PPM1A: variants seen among roughly 807,000 people sequenced by gnomAD.
PPM1A encodes protein phosphatase 1A.
In PPM1A, 7 loss-of-function variants were observed where a neutral mutation model predicts 35.0. The ratio of observed to expected loss-of-function variants is 0.20; its 90% confidence interval spans 0.11 to 0.38. The LOEUF is 0.38. Ranked by LOEUF, PPM1A falls within the 10% of genes least tolerant of loss-of-function variation. The probability of loss-of-function intolerance (pLI) is 1.00; values close to 1 mark genes in which losing one functional copy is unlikely to be tolerated. For missense variants in PPM1A, 239 were observed against 467.8 expected (o/e 0.51, Z 4.51); for synonymous variants, 153 against 167.3 (o/e 0.91, Z 0.66).
upstream of PPM1A, among the ~76,000 whole-genome samples, chr14:60,247,856 A>G (rs1437879716): frequency 6.6e-6 from 1 of 152,192 alleles, no homozygotes; most frequent in Non-Finnish European, 1.5e-5. Flanking sequence ...CTCCTCAAGT[A>G]AAATAGAGAG....
In PPM1A at chr14:60,283,643, A is replaced by G. The variant is rs1006031414; in HGVS notation, c.834+106A>G. 8 of 1,171,302 alleles carry G rather than the reference A, an allele frequency of 6.8e-6. No homozygotes were observed. In the African/African-American group the frequency reaches 1.2e-4, roughly 18 times the overall value. The allele number at this position is 1,171,302 out of a possible 1,614,324, so 72.6% of individuals were successfully genotyped here. A position where few individuals can be genotyped will look rare whatever the true frequency, so the allele number is the denominator to read the frequency against. ...TGTAATTCTGAAACCAGTTTTTGGC[A>G]CAACTGTAGGATACTGTTCACCAAT... is the stretch of plus-strand genomic sequence containing the variant. On this transcript the variant is annotated intron_variant, in intron 2 of 5. Coordinates refer to ENST00000395076, the MANE Select transcript of PPM1A (RefSeq NM_021003.5). The surrounding 1 kb of genome is among the most constrained non-coding windows in gnomAD (Gnocchi z 6.3).
Position 60,294,971 on chromosome 14 carries a change from T to C in PPM1A, c.*2489T>C, listed in dbSNP as rs756033174. 1 of 151,738 alleles carries C rather than the reference T, an allele frequency of 6.6e-6. No homozygotes were observed. Among genetic ancestry groups the C allele is most frequent in the African/African-American group, 2.4e-5 (1 of 41,384 alleles). 9.4% of individuals were successfully genotyped at this position (151,738 alleles called of 1,614,324 possible). On this transcript the variant is annotated 3_prime_UTR_variant, in exon 6 of 6. Coordinates refer to ENST00000395076, the MANE Select transcript of PPM1A (RefSeq NM_021003.5). ...AATAGTGGGGGGAAACCAACCATAC[T>C]TTTTAAAGGCACTTTTGCACCTCTA...
intron 1 of PPM1A, chr14:60,256,939 CAG>C (rs778602277): frequency 6.6e-6 from 1 of 152,048 alleles, no homozygotes; most frequent in African/African-American, 2.4e-5. Context: ...CCATTGTATC[CAG>C]AGAGTGAATC....
chr14:60,283,632 C>T lies in PPM1A; in HGVS notation c.834+95C>T, dbSNP rs551167842. 154 of 1,273,090 alleles carry T rather than the reference C, an allele frequency of 1.2e-4. 2 individuals are homozygous for T. In the South Asian group the frequency reaches 2.0e-3, roughly 17 times the overall value. The allele number at this position is 1,273,090 out of a possible 1,614,324, so 78.9% of individuals were successfully genotyped here. ...ATCTTAGAATCTGTAATTCTGAAAC[C>T]AGTTTTTGGCACAACTGTAGGATAC... On this transcript the variant is annotated intron_variant, in intron 2 of 5. Transcript: ENST00000395076. The surrounding 1 kb of genome is among the most constrained non-coding windows in gnomAD (Gnocchi z 6.3).
rs1045706580 is a variant in PPM1A at position 60,298,819 on chromosome 14, C to G, written c.*6337C>G. On this transcript the variant is annotated 3_prime_UTR_variant, in exon 6 of 6. Coordinates refer to ENST00000395076, the MANE Select transcript of PPM1A (RefSeq NM_021003.5). Reference sequence around the variant, plus strand: ...CTTAAATACAATGTGTAACAAAATTCTCCGTAGCAACTCACCCACTTTGCA... The same window carrying G: ...CTTAAATACAATGTGTAACAAAATTGTCCGTAGCAACTCACCCACTTTGCA... The G allele has an allele frequency of 7.9e-5, 12 of 151,872 alleles. No individual in the cohort carries two copies. The highest frequency in any genetic ancestry group is 1.5e-4 in the Non-Finnish European group (10 of 67,738). The allele number at this position is 151,872 out of a possible 1,614,324, so 9.4% of individuals were successfully genotyped here.
chr14:60,276,398 T>C (rs995143801), intron 1 of PPM1A, among the ~76,000 whole-genome samples: 1 of 152,168 alleles, frequency 6.6e-6, no homozygotes, highest in Non-Finnish European at 1.5e-5. Context: ...AAGTCTACTC[T>C]AGATTTTTCT....
intron 1 of PPM1A, among the ~76,000 whole-genome samples, chr14:60,251,824 G>T (rs1411519462): frequency 1.3e-5 from 2 of 152,136 alleles, no homozygotes; most frequent in African/African-American, 4.8e-5. Context: ...GGATTGGGAT[G>T]TGTAGGGAAA....
chr14:60,264,376 CCA>C, intron 1 of PPM1A, among the ~76,000 whole-genome samples: 1 of 152,038 alleles, frequency 6.6e-6, no homozygotes, highest in Admixed American at 6.6e-5. Flanking sequence ...TATTCTGTCA[CCA>C]CTACTTACTG....
In PPM1A at chr14:60,283,641, GCA is replaced by G; in HGVS notation, c.834+107_834+108del. The G allele has an allele frequency of 8.2e-7, 1 of 1,212,488 alleles. No homozygotes were observed. The highest frequency in any genetic ancestry group is 1.1e-6 in the Non-Finnish European group (1 of 879,956). 75.1% of individuals were successfully genotyped at this position (1,212,488 alleles called of 1,614,324 possible). A position where few individuals can be genotyped will look rare whatever the true frequency, so the allele number is the denominator to read the frequency against. ...TCTGTAATTCTGAAACCAGTTTTTG[GCA>G]CAACTGTAGGATACTGTTCACCAAT... On this transcript the variant is annotated intron_variant, in intron 2 of 5. Transcript: ENST00000395076. The surrounding 1 kb of genome is among the most constrained non-coding windows in gnomAD (Gnocchi z 6.3).
At chr14:60,254,646 T>A (rs888401378) in intron 1 of PPM1A, among the ~76,000 whole-genome samples, 3 of 152,182 alleles carry the variant, frequency 2.0e-5, no homozygotes, top group Non-Finnish European at 4.4e-5. Context: ...CTAGGTTAAG[T>A]CTGAAAAATT....
intron 1 of PPM1A, among the ~76,000 whole-genome samples, chr14:60,280,792 T>C (rs976087358): frequency 2.6e-5 from 4 of 152,222 alleles, no homozygotes; most frequent in African/African-American, 9.6e-5. Flanking sequence ...TTAAAAATCA[T>C]AGATACCTAG....
At chr14:60,265,723 T>G (rs1031020886) in intron 1 of PPM1A, among the ~76,000 whole-genome samples, 9 of 152,146 alleles carry the variant, frequency 5.9e-5, no homozygotes, top group African/African-American at 2.2e-4. Context: ...CTGCGTCTGG[T>G]GAGGGCCTTC....
chr14:60,271,122 G>A (rs1480130068), intron 1 of PPM1A, among the ~76,000 whole-genome samples: 2 of 152,156 alleles, frequency 1.3e-5, no homozygotes, highest in Admixed American at 1.3e-4. Flanking sequence ...TCCAGTGGCT[G>A]TCAGCCTCAT....
intron 1 of PPM1A, among the ~76,000 whole-genome samples, chr14:60,258,235 A>AT (rs747223830): frequency 3.3e-5 from 5 of 152,102 alleles, no homozygotes; most frequent in Non-Finnish European, 5.9e-5. Context: ...AAACTCCAAG[A>AT]TTAAGTTAGA....
intron 3 of PPM1A, chr14:60,288,542 C>T (rs1887278643): frequency 5.1e-6 from 5 of 983,038 alleles, no homozygotes; most frequent in Non-Finnish European, 6.0e-6. Context: ...AATAAAGGAA[C>T]TTGGCAAACC....
rs777860840 is a variant in PPM1A at position 60,291,399 on chromosome 14, G to A, written c.1064G>A (p.Arg355Lys). ...LPPGGELASKRNVIEAVYNRL... is the reference protein window; with the variant it reads ...LPPGGELASKKNVIEAVYNRL... ...TTTCTGCATTTTTTTACACTTAGGA[G>A]GAATGTTATTGAAGCCGTTTACAAT... Residue 355 changes from arginine to lysine, a missense_variant and splice_region_variant, in exon 5 of 6, where the codon AGG becomes AAG. Around this residue, in one of 2 missense-constraint regions of PPM1A, gnomAD observed 64 missense variants for 78.6 expected, o/e 0.81. Transcript: ENST00000395076. 1.3e-6 allele frequency: 2 copies of A among 1,558,802 alleles called. No individual in the cohort carries two copies. The highest frequency in any genetic ancestry group is 1.7e-6 in the Non-Finnish European group (2 of 1,147,180).
intron 1 of PPM1A, among the ~76,000 whole-genome samples, chr14:60,253,584 C>T (rs1882699797): frequency 6.6e-6 from 1 of 152,168 alleles, no homozygotes; most frequent in African/African-American, 2.4e-5. Flanking sequence ...TAGAGTTAAG[C>T]AAGTCCATGT....
chr14:60,264,715 G>A (rs1218414455), intron 1 of PPM1A, among the ~76,000 whole-genome samples: 1 of 151,782 alleles, frequency 6.6e-6, no homozygotes, highest in Non-Finnish European at 1.5e-5. Context: ...TTATGTTCTA[G>A]GTGGTTCCTC....
intron 1 of PPM1A, among the ~76,000 whole-genome samples, chr14:60,274,537 A>G (rs749594722): frequency 6.6e-6 from 1 of 151,586 alleles, no homozygotes; most frequent in Non-Finnish European, 1.5e-5. Context: ...ATTCCTGAAA[A>G]AACTGTCATT....
Sources: gnomAD v4.1 joint callset for allele counts (sites outside exome capture counted in the v4.1 genomes callset) on GRCh38, gnomAD v4.1.1 for gene constraint, gnomAD v4.1.1 regional missense constraint, Gnocchi (gnomAD v3.1) non-coding constraint, MANE v1.5 for transcripts, NCBI Gene and HGNC (gene_info 2026-07-23, HGNC 2026-07-21) for gene names.